Variants in PPEF1 observed in about 807,000 individuals in gnomAD.
The protein encoded by PPEF1 is protein phosphatase with EF-hand domain 1, also known as serine/threonine-protein phosphatase with EF-hands 1.
PPEF1 carries 12 observed loss-of-function variants against 53.3 expected under a neutral mutation model. The observed-to-expected ratio is 0.23, with a 90% CI of 0.14 to 0.36. The LOEUF (loss-of-function observed/expected upper bound fraction) is 0.36, where lower values mean the gene tolerates loss of function less well. Among genes scored for constraint, PPEF1 ranks in the 10% least tolerant of loss-of-function variants. The probability of loss-of-function intolerance (pLI) is 1.00; values close to 1 mark genes in which losing one functional copy is unlikely to be tolerated. For synonymous variants in PPEF1, 165 were observed against 176.7 expected, an observed-to-expected ratio of 0.93 and a Z score of 0.52; for missense variants, 334 against 490.4, an observed-to-expected ratio of 0.68 and a Z score of 3.01.
chrX:18,754,938 A>G (rs1569256862), intron 4 of PPEF1, among the ~76,000 whole-genome samples: 2 of 111,751 alleles, frequency 1.8e-5, no homozygotes, highest in Non-Finnish European at 3.8e-5. Context: ...CTCAATACAA[A>G]TATAACCAAG....
intron 1 of PPEF1, among the ~76,000 whole-genome samples, chrX:18,728,565 C>T (rs1056105916): frequency 9.0e-6 from 1 of 111,075 alleles, no homozygotes; most frequent in African/African-American, 3.3e-5. Flanking sequence ...GGGGACACAG[C>T]CAAATCATTT....
At chrX:18,682,521 G>A (rs146004636), upstream of PPEF1, among the ~76,000 whole-genome samples, 74 of 111,624 alleles carry the variant, frequency 6.6e-4, no homozygotes, top group East Asian at 9.0e-3. Flanking sequence ...AGGATGGAGC[G>A]GACACCAAGG....
chrX:18,787,938 A>G (rs1430969089), intron 9 of PPEF1, among the ~76,000 whole-genome samples: 1 of 111,232 alleles, frequency 9.0e-6, no homozygotes, highest in East Asian at 2.8e-4. Flanking sequence ...TACCTAGCTC[A>G]ATGAGACAGG....
At chrX:18,721,345 G>A (rs996227228) in intron 1 of PPEF1, among the ~76,000 whole-genome samples, 6 of 112,207 alleles carry the variant, frequency 5.3e-5, no homozygotes, top group African/African-American at 9.7e-5. Context: ...GGATGATTCC[G>A]ATTGATTGAT....
intron 3 of PPEF1, among the ~76,000 whole-genome samples, chrX:18,740,397 T>C (rs939982829): frequency 1.4e-4 from 15 of 104,197 alleles, no homozygotes; most frequent in African/African-American, 5.1e-4. Context: ...GTCTGTTTTC[T>C]GTCCTCTCTC....
intron 3 of PPEF1, among the ~76,000 whole-genome samples, chrX:18,736,094 T>C (rs1182728847): frequency 9.0e-6 from 1 of 111,628 alleles, no homozygotes; most frequent in African/African-American, 3.3e-5. Flanking sequence ...TTTGACTTCC[T>C]CTTTTCCTAA....
chrX:18,787,012 A>G (rs1257720490), intron 9 of PPEF1, among the ~76,000 whole-genome samples: 1 of 111,092 alleles, frequency 9.0e-6, no homozygotes, highest in Non-Finnish European at 1.9e-5. Context: ...ACTGGCTTTA[A>G]AGATAGAAAT....
intron 1 of PPEF1, among the ~76,000 whole-genome samples, chrX:18,728,174 TCTCTCTCTCTCTCG>T (rs1276302485): frequency 9.2e-6 from 1 of 108,834 alleles, no homozygotes; most frequent in South Asian, 3.9e-4. Context: ...TCTCTCTGTC[TCTCTCTCTCTCTCG>T]CTCTCTCTCT....
intron 2 of PPEF1, among the ~76,000 whole-genome samples, chrX:18,730,788 C>T (rs909137919): frequency 9.3e-6 from 1 of 107,740 alleles, no homozygotes. Context: ...GGTCTCAGCT[C>T]GCTGCAATCT....
chrX:18,742,450 C>A (rs918911884), intron 3 of PPEF1, among the ~76,000 whole-genome samples: 16 of 112,060 alleles, frequency 1.4e-4, no homozygotes, highest in Admixed American at 1.0e-3. Flanking sequence ...TTGCTGGGAA[C>A]AACTTACCTC....
At chrX:18,802,643 A>G (rs1262682919) in intron 10 of PPEF1, among the ~76,000 whole-genome samples, 1 of 112,096 alleles carries the variant, frequency 8.9e-6, no homozygotes, top group African/African-American at 3.2e-5. Context: ...TCCTCAGGCT[A>G]TGTGCTCAAC....
At position 18,765,781 on chromosome X, in the gene PPEF1, A is replaced by G. The variant is rs947330174; in HGVS notation, c.558+4205A>G. The stretch of plus-strand genomic sequence containing the variant: ...TTTCATTTATCTAGAAAAAGGAAAA[A>G]GGCCGGGCACAGTGGCTCATGCCTG... On this transcript the variant is annotated intron_variant, in intron 6 of 15. Coordinates refer to ENST00000470157, the MANE Select transcript of PPEF1 (RefSeq NM_001377996.1). Among the ~76,000 whole-genome samples, 11 of 111,289 alleles carry G rather than the reference A, an allele frequency of 9.9e-5. No homozygotes were observed. The Admixed American group carries it at 1.1e-3, about 11-fold the overall frequency.
intron 13 of PPEF1, among the ~76,000 whole-genome samples, chrX:18,821,269 C>T (rs1312082297): frequency 9.4e-6 from 1 of 105,998 alleles, no homozygotes; most frequent in Non-Finnish European, 1.9e-5. Flanking sequence ...AAGAGAATCA[C>T]AATGGAAATT....
intron 4 of PPEF1, among the ~76,000 whole-genome samples, chrX:18,751,639 G>A (rs1267439850): frequency 1.8e-5 from 2 of 111,839 alleles, no homozygotes; most frequent in Non-Finnish European, 3.8e-5. Flanking sequence ...AATTAGCCAG[G>A]CATGGTGGCT....
In PPEF1 at chrX:18,805,959, C is replaced by T. The variant is rs192171949; in HGVS notation, c.1252-444C>T. Among the ~76,000 whole-genome samples the T allele has an allele frequency of 3.4e-3, 371 of 109,489 alleles. 2 individuals are homozygous for T. Among genetic ancestry groups the T allele is most frequent in the African/African-American group, 0.012 (356 of 30,043 alleles). ...CCACTGCACCTCTGCCCTTAAAGCA[C>T]TGACTTTCTGGGGCCCTGAACCCTC... On this transcript the variant is annotated intron_variant, in intron 11 of 15. Coordinates refer to ENST00000470157, the MANE Select transcript of PPEF1 (RefSeq NM_001377996.1).
intron 6 of PPEF1, among the ~76,000 whole-genome samples, chrX:18,769,555 C>T (rs911034446): frequency 9.0e-6 from 1 of 111,607 alleles, no homozygotes; most frequent in African/African-American, 3.3e-5. Context: ...TGCTAATGAA[C>T]TCTTAACCCT....
At chrX:18,767,725 A>G (rs1250995729) in intron 6 of PPEF1, among the ~76,000 whole-genome samples, 1 of 111,524 alleles carries the variant, frequency 9.0e-6, no homozygotes, top group Non-Finnish European at 1.9e-5. Context: ...GAATAGGAGG[A>G]TGAGAGAGCA....
intron 10 of PPEF1, among the ~76,000 whole-genome samples, chrX:18,792,841 A>C (rs1334695525): frequency 8.9e-6 from 1 of 111,786 alleles, no homozygotes; most frequent in Admixed American, 9.6e-5. Context: ...AGGCCCTGTT[A>C]TAGAATTTCT....
At chrX:18,795,692 C>A (rs1473544166) in intron 10 of PPEF1, among the ~76,000 whole-genome samples, 2 of 111,937 alleles carry the variant, frequency 1.8e-5, no homozygotes, top group African/African-American at 6.5e-5. Flanking sequence ...CCCTATATGG[C>A]AGGGATGAGT....
Sources: gnomAD v4.1 joint callset for allele counts (sites outside exome capture counted in the v4.1 genomes callset) on GRCh38, gnomAD v4.1.1 for gene constraint, MANE v1.5 for transcripts, NCBI Gene and HGNC (gene_info 2026-07-23, HGNC 2026-07-21) for gene names.